AGAP1: variants seen among roughly 807,000 people sequenced by gnomAD.
AGAP1 encodes the protein arf-GAP with GTPase, ANK repeat and PH domain-containing protein 1.
Under a neutral mutation model 105.3 loss-of-function variants are expected in AGAP1, and 29 were observed. That is an observed-to-expected ratio of 0.28 (90% CI 0.21 to 0.38). The LOEUF is 0.38. Ranked by LOEUF, AGAP1 falls within the 10% of genes least tolerant of loss-of-function variation. AGAP1 has a pLI of 1.00. For missense variants in AGAP1, 998 were observed against 1,165.1 expected, an observed-to-expected ratio of 0.86 and a Z score of 2.09; for synonymous variants, 509 against 485.9, an observed-to-expected ratio of 1.05 and a Z score of -0.63.
Position 235,810,836 on chromosome 2 carries a change from T to TC in AGAP1, c.1050+3505_1050+3506insC, listed in dbSNP as rs1460491920. Among the ~76,000 whole-genome samples the TC allele has an allele frequency of 7.5e-5, 11 of 146,402 alleles. No homozygotes were observed. The East Asian group carries it at 9.8e-4, about 13-fold the overall frequency. ...GTTGGTTCAGAGAATTCGGTTTCTT[T>TC]TTTTTTTTTTTTTTTTTTACTAATA... On this transcript the variant is annotated intron_variant, in intron 9 of 17. Transcript: ENST00000304032.
intron 13 of AGAP1, among the ~76,000 whole-genome samples, chr2:236,016,887 T>A (rs1239280941): frequency 2.0e-5 from 3 of 152,224 alleles, no homozygotes; most frequent in Non-Finnish European, 4.4e-5. Flanking sequence ...TTCAAGGTCA[T>A]GTATGAATTT....
chr2:235,975,941 T>C (rs907339413), intron 13 of AGAP1, among the ~76,000 whole-genome samples: 4 of 152,238 alleles, frequency 2.6e-5, no homozygotes, highest in African/African-American at 9.6e-5. Context: ...AAACCACTGG[T>C]TAGTGCATCT....
In AGAP1 at chr2:236,070,505, CA is replaced by C. The variant is rs557886867; in HGVS notation, c.2114+21225del. Among the ~76,000 whole-genome samples the C allele has an allele frequency of 7.4e-4, 112 of 152,348 alleles. 1 individual carries two copies. Among genetic ancestry groups the C allele is most frequent in the Middle Eastern group, 3.4e-3 (1 of 294 alleles). On this transcript the variant is annotated intron_variant, in intron 16 of 17. Coordinates refer to ENST00000304032, the MANE Select transcript of AGAP1 (RefSeq NM_001037131.3). ...GAAACTTGCACATAAATGTTCATGGCAGCATCGTTCCTATTAGCTACACAGT... is the reference window on the plus strand; with the variant it reads ...GAAACTTGCACATAAATGTTCATGGCGCATCGTTCCTATTAGCTACACAGT...
chr2:235,516,390 C>T (rs1377397036), intron 1 of AGAP1, among the ~76,000 whole-genome samples: 2 of 152,060 alleles, frequency 1.3e-5, no homozygotes, highest in African/African-American at 4.8e-5. Flanking sequence ...TCTACTTTCT[C>T]CTCCACAGTA....
At chr2:235,511,405 A>G (rs1942102994) in intron 1 of AGAP1, among the ~76,000 whole-genome samples, 1 of 152,086 alleles carries the variant, frequency 6.6e-6, no homozygotes, top group South Asian at 2.1e-4. Context: ...GGGGGCAGCC[A>G]GGAGCCGCAG....
At chr2:235,573,042 C>CT (rs1268766422) in intron 1 of AGAP1, among the ~76,000 whole-genome samples, 365 of 21,764 alleles carry the variant, frequency 0.017, 23 homozygotes, top group African/African-American at 0.069. Flanking sequence ...TCTTCTTCTT[C>CT]TTCTTCTTCT....
At chr2:235,894,205 C>T (rs576411535) in intron 10 of AGAP1, among the ~76,000 whole-genome samples, 2 of 152,278 alleles carry the variant, frequency 1.3e-5, no homozygotes, top group Non-Finnish European at 2.9e-5. Context: ...TGAACCGCAA[C>T]GGGTATTTCT....
chr2:235,695,055 A>G (rs1949933715), intron 1 of AGAP1, among the ~76,000 whole-genome samples: 1 of 152,224 alleles, frequency 6.6e-6, no homozygotes, highest in Non-Finnish European at 1.5e-5. Context: ...TATAACCTCA[A>G]AACCAGTTAA....
At chr2:235,653,261 C>T (rs528382290) in intron 1 of AGAP1, among the ~76,000 whole-genome samples, 10 of 151,936 alleles carry the variant, frequency 6.6e-5, no homozygotes, top group African/African-American at 1.5e-4. Flanking sequence ...GTCAGGAGAT[C>T]GAGACCATCC....
In AGAP1 at chr2:236,051,476, C is replaced by T. The variant is rs927208598; in HGVS notation, c.2114+2195C>T. On this transcript the variant is annotated intron_variant, in intron 16 of 17. Coordinates refer to ENST00000304032, the MANE Select transcript of AGAP1 (RefSeq NM_001037131.3). This position sits in a 1 kb window ranked among gnomAD's most constrained non-coding sequence, Gnocchi z 5.9. Reference sequence around the variant, plus strand: ...TGGACTCTGAAATAGGGGGTGATTCCCAGGGCCAGGGCCAGGGGACCAGGT... The same window carrying T: ...TGGACTCTGAAATAGGGGGTGATTCTCAGGGCCAGGGCCAGGGGACCAGGT... Among the ~76,000 whole-genome samples the T allele has an allele frequency of 1.3e-5, 2 of 151,812 alleles. No homozygotes were observed. The highest frequency in any genetic ancestry group is 4.8e-5 in the African/African-American group (2 of 41,304).
At chr2:236,100,560 C>T (rs2059321212) in intron 16 of AGAP1, among the ~76,000 whole-genome samples, 1 of 152,120 alleles carries the variant, frequency 6.6e-6, no homozygotes, top group Non-Finnish European at 1.5e-5. Flanking sequence ...TGCAGTGGCT[C>T]ACACCTGCAA....
At chr2:235,770,133 C>CTT (rs57008190) in intron 6 of AGAP1, among the ~76,000 whole-genome samples, 6 of 136,682 alleles carry the variant, frequency 4.4e-5, no homozygotes, top group Admixed American at 7.9e-5. Context: ...TTCTTTGTTT[C>CTT]TTTTTTTTTT....
rs1946815840 is a variant in AGAP1 at position 235,631,091 on chromosome 2, C to A, written c.164-78088C>A. 6.6e-6 allele frequency among the ~76,000 whole-genome samples: 1 copy of A among 152,186 alleles called. No individual in the cohort carries two copies. Among genetic ancestry groups the A allele is most frequent in the African/African-American group, 2.4e-5 (1 of 41,446 alleles). On this transcript the variant is annotated intron_variant, in intron 1 of 17. Coordinates refer to ENST00000304032, the MANE Select transcript of AGAP1 (RefSeq NM_001037131.3). This position sits in a 1 kb window ranked among gnomAD's most constrained non-coding sequence, Gnocchi z 5.4. Reference sequence around the variant, plus strand: ...AGTCTAGCTCCTTCATATGCAAATGCACTGGTAATGCCTGGATACCAGGGT... The same window carrying A: ...AGTCTAGCTCCTTCATATGCAAATGAACTGGTAATGCCTGGATACCAGGGT...
rs373216833 is a variant in AGAP1 at position 235,734,526 on chromosome 2, G to GA, written c.311-6424dup. 9.8e-3 allele frequency among the ~76,000 whole-genome samples: 1,260 copies of GA among 128,622 alleles called. 12 individuals carry two copies. Among genetic ancestry groups the GA allele is most frequent in the Non-Finnish European group, 0.013 (761 of 59,128 alleles). The allele number at this position is 128,622 out of a possible 152,430, so 84.4% of individuals were successfully genotyped here. A position where few individuals can be genotyped will look rare whatever the true frequency, so the allele number is the denominator to read the frequency against. Reference sequence around the variant, plus strand: ...TCATTTTCATCCTTAGCTCAGGCATGAAAAAAAAAAAAAGAATAGTAAAAA... The same window carrying GA: ...TCATTTTCATCCTTAGCTCAGGCATGAAAAAAAAAAAAAAGAATAGTAAAAA... On this transcript the variant is annotated intron_variant, in intron 3 of 17. Coordinates refer to ENST00000304032, the MANE Select transcript of AGAP1 (RefSeq NM_001037131.3). The surrounding 1 kb of genome is among the most constrained non-coding windows in gnomAD (Gnocchi z 5.3).
In AGAP1 at chr2:236,127,427, A is replaced by G. The variant is rs2060020751; in HGVS notation, c.*3305A>G. On this transcript the variant is annotated 3_prime_UTR_variant, in exon 18 of 18. Transcript: ENST00000304032. The surrounding 1 kb of genome is among the most constrained non-coding windows in gnomAD (Gnocchi z 6.6). The stretch of plus-strand genomic sequence containing the variant: ...TCCCAAGTGTGTGCACAATGTATAT[A>G]TGCACTGGAAAGGAGGGAGAAGGCA... 6.6e-6 allele frequency: 1 copy of G among 152,246 alleles called. No individual in the cohort carries two copies. The highest frequency in any genetic ancestry group is 2.1e-4 in the South Asian group (1 of 4,836). The allele number at this position is 152,246 out of a possible 1,614,324, so 9.4% of individuals were successfully genotyped here.
At position 236,021,582 on chromosome 2, in the gene AGAP1, C is replaced by G. The variant is rs147931723; in HGVS notation, c.1646-14979C>G. On this transcript the variant is annotated intron_variant, in intron 13 of 17. Transcript: ENST00000304032. ...AAGATAAATCACCGCACGTGCCTAT[C>G]GTTGCTTTGTCTTTCTAAACTGAAT... 2.3e-3 allele frequency among the ~76,000 whole-genome samples: 354 copies of G among 152,278 alleles called. 1 individual carries two copies. Among genetic ancestry groups the G allele is most frequent in the Admixed American group, 5.3e-3 (81 of 15,298 alleles).
intron 10 of AGAP1, among the ~76,000 whole-genome samples, chr2:235,895,674 C>G (rs1385412455): frequency 6.6e-6 from 1 of 151,926 alleles, no homozygotes; most frequent in Non-Finnish European, 1.5e-5. Flanking sequence ...ACCAATGTAT[C>G]TCTAACATCT....
At position 235,746,377 on chromosome 2, in the gene AGAP1, C is replaced by CCTTTT. The variant is rs1295250993; in HGVS notation, c.538+1538_538+1539insCTTTT. ...GCTTCCTGGAGAGCACCTCCCCCAA[C>CCTTTT]TTTTTTTTTTTTTTTTTTTTTTTTT... On this transcript the variant is annotated intron_variant, in intron 5 of 17. Coordinates refer to ENST00000304032, the MANE Select transcript of AGAP1 (RefSeq NM_001037131.3). Among the ~76,000 whole-genome samples the CCTTTT allele has an allele frequency of 2.9e-3, 161 of 55,578 alleles. 3 individuals carry two copies. The highest frequency in any genetic ancestry group is 0.012 in the African/African-American group (155 of 12,490). The allele number at this position is 55,578 out of a possible 152,430, so 36.5% of individuals were successfully genotyped here. A position where few individuals can be genotyped will look rare whatever the true frequency, so the allele number is the denominator to read the frequency against.
rs535602885 is a variant in AGAP1 at position 235,689,202 on chromosome 2, C to T, written c.164-19977C>T. The stretch of plus-strand genomic sequence containing the variant: ...TGCTGCCTTCGGTAGATGGCCCCGG[C>T]CCTGCCTATGCCTTGGACACTCTTC... On this transcript the variant is annotated intron_variant, in intron 1 of 17. Coordinates refer to ENST00000304032, the MANE Select transcript of AGAP1 (RefSeq NM_001037131.3). The surrounding 1 kb of genome is among the most constrained non-coding windows in gnomAD (Gnocchi z 4.2). Among the ~76,000 whole-genome samples the T allele has an allele frequency of 2.0e-5, 3 of 152,304 alleles. No individual in the cohort carries two copies. The highest frequency in any genetic ancestry group is 2.9e-5 in the Non-Finnish European group (2 of 68,032).
Sources: allele counts gnomAD v4.1 joint callset (sites outside exome capture counted in the v4.1 genomes callset), GRCh38; gene constraint gnomAD v4.1.1; non-coding constraint Gnocchi (gnomAD v3.1); transcripts MANE v1.5; gene names NCBI Gene and HGNC (gene_info 2026-07-23, HGNC 2026-07-21).